Variants in TNRC6C observed in about 807,000 individuals in gnomAD.
TNRC6C encodes trinucleotide repeat-containing gene 6C protein.
TNRC6C carries 20 observed loss-of-function variants against 153.7 expected under a neutral mutation model. The observed-to-expected ratio is 0.13, with a 90% CI of 0.09 to 0.19. The LOEUF (loss-of-function observed/expected upper bound fraction) is 0.19, where lower values mean the gene tolerates loss of function less well. Among genes scored for constraint, TNRC6C ranks in the 10% least tolerant of loss-of-function variants. The pLI is 1.00. For synonymous variants in TNRC6C, 811 were observed against 841.4 expected, an observed-to-expected ratio of 0.96 and a Z score of 0.63; for missense variants, 1,987 against 2,172.0, an observed-to-expected ratio of 0.91 and a Z score of 1.69.
chr17:78,090,635 C>T (rs1342106836), intron 13 of TNRC6C, among the ~76,000 whole-genome samples: 1 of 152,200 alleles, frequency 6.6e-6, no homozygotes, highest in East Asian at 1.9e-4. Context: ...TCATTGTCCT[C>T]CTCATCATCT....
chr17:78,006,590 T>C lies in TNRC6C; in HGVS notation c.-546+1511T>C, dbSNP rs570573516. Among the ~76,000 whole-genome samples the C allele has an allele frequency of 6.6e-4, 97 of 147,932 alleles. 3 individuals are homozygous for C. Among genetic ancestry groups the C allele is most frequent in the African/African-American group, 2.3e-3 (91 of 39,024 alleles). The stretch of plus-strand genomic sequence containing the variant: ...CTTCCTTCTTCCTTCTTCTTCCTTC[T>C]TCCTTCTTCCTCCTTCTTCCTTCTT... On this transcript the variant is annotated intron_variant, in intron 1 of 19. Coordinates refer to ENST00000301624, the Ensembl canonical transcript of TNRC6C.
intron 3 of TNRC6C, among the ~76,000 whole-genome samples, chr17:78,064,199 G>T (rs549822775): frequency 4.5e-4 from 68 of 152,268 alleles, no homozygotes; most frequent in African/African-American, 1.6e-3. Context: ...GGGTTCAAGA[G>T]ATTCTCCTGC....
At chr17:77,985,002 A>G (rs1330039239) in intron 1 of TNRC6C, among the ~76,000 whole-genome samples, 4 of 152,198 alleles carry the variant, frequency 2.6e-5, no homozygotes, top group Non-Finnish European at 5.9e-5. Flanking sequence ...AGTTATTGGT[A>G]TGGTTTCTGG....
intron 1 of TNRC6C, among the ~76,000 whole-genome samples, chr17:78,016,700 C>G (rs769337298): frequency 1.3e-5 from 2 of 152,076 alleles, no homozygotes; most frequent in Admixed American, 6.5e-5. Flanking sequence ...TCTGTGGTTC[C>G]TCCTTTAACA....
intron 1 of TNRC6C, 54 bp from the exon 4 acceptor site, chr17:78,031,462 T>C: frequency 8.2e-7 from 1 of 1,217,330 alleles, no homozygotes; most frequent in Non-Finnish European, 1.0e-6. Context: ...TTGGGTTGGG[T>C]TTTAAAGGGG....
upstream of TNRC6C, among the ~76,000 whole-genome samples, chr17:77,958,433 C>A (rs1453444384): frequency 6.6e-6 from 1 of 151,860 alleles, no homozygotes; most frequent in Admixed American, 6.5e-5. Context: ...CGGCGCGCTC[C>A]CCGCGCGGTG....
At chr17:78,005,504 G>T (rs9890070) in intron 1 of TNRC6C, among the ~76,000 whole-genome samples, 2 of 152,040 alleles carry the variant, frequency 1.3e-5, no homozygotes, top group East Asian at 1.9e-4. Flanking sequence ...ATATGTAAAA[G>T]ATTTCTCTTT....
intron 1 of TNRC6C, among the ~76,000 whole-genome samples, chr17:78,006,314 T>C (rs1011210807): frequency 4.6e-5 from 7 of 152,224 alleles, no homozygotes; most frequent in Non-Finnish European, 1.0e-4. Context: ...TTCTCTGTTA[T>C]ACTCTCAGAA....
At chr17:78,073,891 C>T (rs183033313) in intron 7 of TNRC6C, among the ~76,000 whole-genome samples, 1 of 152,324 alleles carries the variant, frequency 6.6e-6, no homozygotes, top group African/African-American at 2.4e-5. Context: ...ACTTCCTAGT[C>T]ATCATCTCAT....
chr17:77,957,879 G>A (rs1283214810), upstream of TNRC6C, among the ~76,000 whole-genome samples: 2 of 152,240 alleles, frequency 1.3e-5, no homozygotes, highest in East Asian at 3.8e-4. Context: ...GTGCGTAGGC[G>A]CCGGAGCGCC....
chr17:77,991,447 T>TC (rs1166841081), intron 1 of TNRC6C, among the ~76,000 whole-genome samples: 2 of 152,230 alleles, frequency 1.3e-5, no homozygotes, highest in Non-Finnish European at 2.9e-5. Context: ...AGAGACATTT[T>TC]CCCCAGCCTT....
chr17:78,058,316 C>T (rs2144111869), intron 3 of TNRC6C, among the ~76,000 whole-genome samples: 1 of 152,318 alleles, frequency 6.6e-6, no homozygotes, highest in East Asian at 1.9e-4. Context: ...TAAAAATACT[C>T]AGCAACATGA....
chr17:78,104,369 C>T lies in TNRC6C; in HGVS notation c.4713-116C>T. The T allele has an allele frequency of 7.3e-7, 1 of 1,362,008 alleles. No individual in the cohort carries two copies. Among genetic ancestry groups the T allele is most frequent in the East Asian group, 2.9e-5 (1 of 34,220 alleles). 84.4% of individuals were successfully genotyped at this position (1,362,008 alleles called of 1,614,324 possible). ...GGGTTTGGAAATAGCAGTGGCAAAA[C>T]AGAAGCCACAGGATGGCTTCCATGT... is the stretch of plus-strand genomic sequence containing the variant. On this transcript the variant is annotated intron_variant, in intron 19 of 19. Transcript: ENST00000301624. The surrounding 1 kb of genome is among the most constrained non-coding windows in gnomAD (Gnocchi z 6.2).
At chr17:77,990,020 CGA>C (rs1421110979) in intron 1 of TNRC6C, among the ~76,000 whole-genome samples, 4 of 152,220 alleles carry the variant, frequency 2.6e-5, no homozygotes, top group Admixed American at 1.3e-4. Flanking sequence ...ATCTCAAACG[CGA>C]GGTGTCCTTC....
At chr17:78,080,033 T>C (rs2144400795) in intron 10 of TNRC6C, among the ~76,000 whole-genome samples, 1 of 152,334 alleles carries the variant, frequency 6.6e-6, no homozygotes, top group South Asian at 2.1e-4. Context: ...CATATAATAG[T>C]GTATATATTA....
chr17:78,090,668 G>T (rs1437987800), intron 13 of TNRC6C, among the ~76,000 whole-genome samples: 1 of 152,152 alleles, frequency 6.6e-6, no homozygotes, highest in Non-Finnish European at 1.5e-5. Flanking sequence ...CTAGCTTAGT[G>T]CAGGTCCTGG....
At chr17:77,960,977 T>G (rs1249349407) in intron 1 of TNRC6C, among the ~76,000 whole-genome samples, 1 of 152,128 alleles carries the variant, frequency 6.6e-6, no homozygotes, top group Non-Finnish European at 1.5e-5. Context: ...CATACAGATT[T>G]CTCATGACCT....
intron 1 of TNRC6C, among the ~76,000 whole-genome samples, chr17:78,006,534 CTT>C (rs1328590624): frequency 3.6e-4 from 51 of 141,016 alleles, no homozygotes; most frequent in African/African-American, 1.3e-3. Flanking sequence ...TCTTCTTCTT[CTT>C]CTTCTTCTTC....
intron 1 of TNRC6C, among the ~76,000 whole-genome samples, chr17:77,993,011 G>A (rs2071275475): frequency 1.3e-5 from 2 of 152,034 alleles, no homozygotes; most frequent in African/African-American, 2.4e-5. Context: ...TGTTGCCCAG[G>A]CTGGAGTGCA....
Sources: allele counts gnomAD v4.1 joint callset (sites outside exome capture counted in the v4.1 genomes callset), GRCh38; gene constraint gnomAD v4.1.1; non-coding constraint Gnocchi (gnomAD v3.1); transcripts MANE v1.5; gene names NCBI Gene and HGNC (gene_info 2026-07-23, HGNC 2026-07-21).